The following MEF2A variants were observed in gnomAD, a reference collection of about 807,000 sequenced individuals.
MEF2A encodes the protein myocyte enhancer factor 2A.
Under a neutral mutation model 55.8 loss-of-function variants are expected in MEF2A, and 28 were observed. The observed-to-expected ratio is 0.50, with a 90% CI of 0.37 to 0.69. The LOEUF is 0.69. Among genes scored for constraint, MEF2A ranks in the 30% least tolerant of loss-of-function variants. MEF2A has a pLI of 0.00. For missense variants in MEF2A, 528 were observed against 626.2 expected (o/e 0.84, Z 1.67); for synonymous variants, 239 against 227.1 (o/e 1.05, Z -0.47).
At chr15:99,571,346 T>C (rs1301359938) in intron 1 of MEF2A, among the ~76,000 whole-genome samples, 1 of 152,196 alleles carries the variant, frequency 6.6e-6, no homozygotes, top group Non-Finnish European at 1.5e-5. Flanking sequence ...ATAACATTAT[T>C]TCATACAGTT....
chr15:99,642,255 C>T (rs2045150092), intron 3 of MEF2A, among the ~76,000 whole-genome samples: 1 of 152,112 alleles, frequency 6.6e-6, no homozygotes, highest in African/African-American at 2.4e-5. Flanking sequence ...TCACTTCCTT[C>T]CTTGGTGTAC....
intron 1 of MEF2A, among the ~76,000 whole-genome samples, chr15:99,569,324 T>G (rs1424993436): frequency 6.6e-6 from 1 of 152,234 alleles, no homozygotes; most frequent in Non-Finnish European, 1.5e-5. Context: ...GGCTTTTGTT[T>G]CTTCTTTCCT....
At chr15:99,664,864 A>T (rs1419098458) in intron 4 of MEF2A, among the ~76,000 whole-genome samples, 2 of 152,216 alleles carry the variant, frequency 1.3e-5, no homozygotes, top group Non-Finnish European at 2.9e-5. Context: ...GAAGGCATAA[A>T]CATTACTATC....
At chr15:99,645,471 T>G (rs2045816923) in intron 3 of MEF2A, 90 bp from the exon 4 acceptor site, 7 of 941,058 alleles carry the variant, frequency 7.4e-6, no homozygotes, top group Non-Finnish European at 1.1e-5. Context: ...GAAATCTGGC[T>G]CAGTATTAAG....
chr15:99,669,933 TC>T (rs2050531590), intron 4 of MEF2A, among the ~76,000 whole-genome samples: 1 of 152,230 alleles, frequency 6.6e-6, no homozygotes, highest in South Asian at 2.1e-4. Flanking sequence ...AGTTCAGTGA[TC>T]AAGCTTTGTT....
At chr15:99,616,014 CT>C (rs1204147765) in intron 2 of MEF2A, among the ~76,000 whole-genome samples, 4 of 151,998 alleles carry the variant, frequency 2.6e-5, no homozygotes, top group African/African-American at 9.7e-5. Flanking sequence ...ACTGTGTTGA[CT>C]TAAAAATAAG....
intron 1 of MEF2A, among the ~76,000 whole-genome samples, chr15:99,578,807 A>G (rs1965104016): frequency 6.6e-6 from 1 of 152,240 alleles, no homozygotes; most frequent in Admixed American, 6.5e-5. Flanking sequence ...TATCACTGAC[A>G]CAGTAAAAGA....
intron 7 of MEF2A, among the ~76,000 whole-genome samples, chr15:99,680,809 A>G (rs943144135): frequency 2.6e-5 from 4 of 152,180 alleles, no homozygotes; most frequent in Non-Finnish European, 2.9e-5. Flanking sequence ...CTCTTTTTCT[A>G]GTTTCAGTGA....
chr15:99,700,183 T>TCCACAC (rs1555499882), intron 8 of MEF2A, among the ~76,000 whole-genome samples: 4 of 46,512 alleles, frequency 8.6e-5, no homozygotes, highest in Non-Finnish European at 1.9e-4. Flanking sequence ...TATGTGTGTA[T>TCCACAC]ATATACACAC....
chr15:99,597,296 G>C (rs545527944), intron 1 of MEF2A, among the ~76,000 whole-genome samples: 2 of 152,096 alleles, frequency 1.3e-5, no homozygotes, highest in Non-Finnish European at 2.9e-5. Context: ...CTGGCCCCCC[G>C]GGTGTGGTCG....
rs1458236440 is a variant in MEF2A at position 99,690,256 on chromosome 15, A to G, written c.686A>G (p.Asn229Ser). Residue 229 changes from asparagine (N) to serine (S), a missense_variant, in exon 8 of 12, where the codon AAC becomes AGC. Physicochemically the swap from Asn to Ser is conservative, Grantham distance 46. Around this residue, in one of 2 missense-constraint regions of MEF2A, gnomAD observed 450 missense variants for 475.3 expected, o/e 0.95. Coordinates refer to ENST00000557942, the MANE Select transcript of MEF2A (RefSeq NM_001319206.4). ...GSSPVGNGFV[N>S]SRASPNLIGA... ...TTCCCCCCAGGGAATGGATTTGTAA[A>G]CTCAAGAGCTTCTCCAAATTTGATT... The G allele has an allele frequency of 2.5e-6, 4 of 1,613,468 alleles. No homozygotes were observed. The South Asian group carries it at 3.3e-5, about 13-fold the overall frequency.
intron 4 of MEF2A, among the ~76,000 whole-genome samples, chr15:99,655,910 A>G (rs1322624786): frequency 2.0e-5 from 3 of 152,106 alleles, no homozygotes; most frequent in Non-Finnish European, 1.5e-5. Flanking sequence ...CATTTAACTG[A>G]TGAGGAAGCC....
intron 4 of MEF2A, among the ~76,000 whole-genome samples, chr15:99,667,259 T>G (rs2049970789): frequency 6.6e-6 from 1 of 152,176 alleles, no homozygotes; most frequent in African/African-American, 2.4e-5. Flanking sequence ...TCTTGCTCTG[T>G]CGCCCAGGCT....
chr15:99,582,107 C>T (rs999409793), intron 1 of MEF2A, among the ~76,000 whole-genome samples: 1 of 152,030 alleles, frequency 6.6e-6, no homozygotes, highest in Admixed American at 6.6e-5. Flanking sequence ...AGTTTGTAAT[C>T]GTGGAAGTGA....
chr15:99,593,298 T>C (rs1014514630), intron 1 of MEF2A, among the ~76,000 whole-genome samples: 13 of 152,206 alleles, frequency 8.5e-5, no homozygotes, highest in African/African-American at 3.1e-4. Flanking sequence ...GTCCTGACTG[T>C]GCATCCAAGC....
intron 1 of MEF2A, among the ~76,000 whole-genome samples, chr15:99,570,744 A>C (rs1961842218): frequency 2.0e-5 from 3 of 152,096 alleles, no homozygotes. Context: ...TTAGCTGTCC[A>C]TCTTCTACAT....
chr15:99,712,370 C>T lies in MEF2A; in HGVS notation c.1137-20C>T, dbSNP rs2058730574. 6.6e-7 allele frequency: 1 copy of T among 1,508,998 alleles called. No individual in the cohort carries two copies. The highest frequency in any genetic ancestry group is 8.9e-7 in the Non-Finnish European group (1 of 1,121,780). 93.5% of individuals were successfully genotyped at this position (1,508,998 alleles called of 1,614,324 possible). ...GAGGTACTTGCAAGCCATCTGACCT[C>T]TCTCTTTTTTTTCCTTCAGTGCTGG... On this transcript the variant is annotated intron_variant, in intron 11 of 11. Coordinates refer to ENST00000557942, the MANE Select transcript of MEF2A (RefSeq NM_001319206.4). This position sits in a 1 kb window ranked among gnomAD's most constrained non-coding sequence, Gnocchi z 4.1.
chr15:99,705,091 G>T (rs325413), intron 9 of MEF2A, among the ~76,000 whole-genome samples: 2 of 152,054 alleles, frequency 1.3e-5, no homozygotes, highest in South Asian at 2.1e-4. Flanking sequence ...AAGTTGTTCA[G>T]CTTGCCTTGA....
In MEF2A at chr15:99,712,504, CCAGCAGCAGCAGCAGCAGCAGCAG is replaced by C. The variant is rs3138597; in HGVS notation, c.1262_1285del (p.Gln421_Gln428del). The C allele has an allele frequency of 1.0e-5, 16 of 1,531,142 alleles. No individual in the cohort carries two copies. Among genetic ancestry groups the C allele is most frequent in the Middle Eastern group, 1.7e-4 (1 of 5,946 alleles). 94.8% of individuals were successfully genotyped at this position (1,531,142 alleles called of 1,614,324 possible). A position where few individuals can be genotyped will look rare whatever the true frequency, so the allele number is the denominator to read the frequency against. Reference sequence around the variant, plus strand: ...GGGATCGTATGACCCCATCGGGCTTCCAGCAGCAGCAGCAGCAGCAGCAGCAGCAGCAGCCGCCGCCACCACCGC... The same window carrying C: ...GGGATCGTATGACCCCATCGGGCTTCCAGCAGCAGCCGCCGCCACCACCGC... On this transcript the variant is annotated inframe_deletion, in exon 12 of 12. Transcript: ENST00000557942. This position sits in a 1 kb window ranked among gnomAD's most constrained non-coding sequence, Gnocchi z 4.1.
Sources: gnomAD v4.1 joint callset for allele counts (sites outside exome capture counted in the v4.1 genomes callset) on GRCh38, gnomAD v4.1.1 for gene constraint, gnomAD v4.1.1 regional missense constraint, Gnocchi (gnomAD v3.1) non-coding constraint, MANE v1.5 for transcripts, NCBI Gene and HGNC (gene_info 2026-07-23, HGNC 2026-07-21) for gene names.